Variants in OPA3 observed in about 807,000 individuals in gnomAD.
OPA3 encodes outer mitochondrial membrane lipid metabolism regulator OPA3.
OPA3 carries 6 observed loss-of-function variants against 4.0 expected under a neutral mutation model. The observed-to-expected ratio is 1.51, with a 90% CI of 0.83 to 2.99. The LOEUF (loss-of-function observed/expected upper bound fraction) is 2.99. Ranked by LOEUF, OPA3 falls within the 30% of genes most tolerant of loss-of-function variation. OPA3 has a pLI of 0.00. For synonymous variants in OPA3, 105 were observed against 117.1 expected (o/e 0.90, Z 0.67); for missense variants, 235 against 256.2 (o/e 0.92, Z 0.56).
exon 2 of OPA3, chr19:45,529,169 A>T: frequency 2.5e-6 from 4 of 1,609,714 alleles, no homozygotes; most frequent in Non-Finnish European, 3.4e-6. Context: ...AGCTGCGTCG[A>T]CGTCGCCTGC....
chr19:45,554,063 C>T (rs1599965353), intron 1 of OPA3, 152 bp from the exon 2 acceptor site: 1 of 671,226 alleles, frequency 1.5e-6, no homozygotes, highest in Non-Finnish European at 2.5e-6. Context: ...ATAAGAAACA[C>T]TGCCCCAGAA....
downstream of OPA3, among the ~76,000 whole-genome samples, chr19:45,542,310 C>T (rs571529645): frequency 2.6e-5 from 4 of 152,278 alleles, no homozygotes; most frequent in African/African-American, 7.2e-5. Flanking sequence ...CTAGTACAGC[C>T]GTGCACTGCT....
chr19:45,531,619 G>A (rs1432227643), intron 1 of OPA3, among the ~76,000 whole-genome samples: 2 of 152,226 alleles, frequency 1.3e-5, no homozygotes, highest in South Asian at 2.1e-4. Context: ...AAGGGTGCTT[G>A]GTATCTCAGT....
Position 45,576,539 on chromosome 19 carries a change from C to CG in OPA3, c.142+8083_142+8084insC, listed in dbSNP as rs1264599630. Among the ~76,000 whole-genome samples, 22 of 123,352 alleles carry CG rather than the reference C, an allele frequency of 1.8e-4. No individual in the cohort carries two copies. The East Asian group carries it at 3.1e-3, about 17-fold the overall frequency. The allele number at this position is 123,352 out of a possible 152,430, so 80.9% of individuals were successfully genotyped here. A position where few individuals can be genotyped will look rare whatever the true frequency, so the allele number is the denominator to read the frequency against. On this transcript the variant is annotated intron_variant, in intron 1 of 1. Coordinates refer to ENST00000263275, the MANE Select transcript of OPA3 (RefSeq NM_025136.4). ...GGCAACAAGAATGAAACTCCATCCC[C>CG]CCCCCCCCAAAAAAAAAAGTCCAAA...
At chr19:45,570,238 C>T (rs1217259240) in intron 1 of OPA3, among the ~76,000 whole-genome samples, 1 of 152,194 alleles carries the variant, frequency 6.6e-6, no homozygotes, top group Non-Finnish European at 1.5e-5. Context: ...GCCATGAGTA[C>T]ATGAGCAAAT....
At chr19:45,577,783 G>A (rs189781776) in intron 1 of OPA3, among the ~76,000 whole-genome samples, 109 of 146,296 alleles carry the variant, frequency 7.5e-4, no homozygotes, top group African/African-American at 2.5e-3. Context: ...TGGTGTTCCC[G>A]CCAAACATGT....
At chr19:45,528,226 G>C (rs1792720755) in exon 2 of OPA3, 1 of 152,364 alleles carries the variant, frequency 6.6e-6, no homozygotes, top group Non-Finnish European at 1.5e-5. Flanking sequence ...GACTAGCCCT[G>C]GTCAAGACCG....
Position 45,550,650 on chromosome 19 carries a change from G to T in OPA3, c.*2864C>A. The T allele has an allele frequency of 1.0e-6, 1 of 985,992 alleles. No individual in the cohort carries two copies. Among genetic ancestry groups the T allele is most frequent in the South Asian group, 4.7e-5 (1 of 21,294 alleles). The allele number at this position is 985,992 out of a possible 1,614,324, so 61.1% of individuals were successfully genotyped here. On this transcript the variant is annotated 3_prime_UTR_variant, in exon 2 of 2. Transcript: ENST00000263275. ...CTTACCCCTGGCCTTAGTTTCCCCA[G>T]CTCATAGGGTGACTCTTGGGCCTCT...
intron 1 of OPA3, among the ~76,000 whole-genome samples, chr19:45,569,587 C>G (rs1456263089): frequency 6.6e-6 from 1 of 152,154 alleles, no homozygotes; most frequent in Non-Finnish European, 1.5e-5. Context: ...CCGATACTCA[C>G]CACTGCAACC....
At chr19:45,540,174 G>A (rs748963800) in intron 1 of OPA3, among the ~76,000 whole-genome samples, 9 of 151,796 alleles carry the variant, frequency 5.9e-5, no homozygotes, top group Non-Finnish European at 8.8e-5. Context: ...AAAATTAGCC[G>A]GGTGTGGTGG....
rs2122420527 is a variant in OPA3 at position 45,549,283 on chromosome 19, C to T, written c.*4231G>A. 1 of 985,424 alleles carries T rather than the reference C, an allele frequency of 1.0e-6. No individual in the cohort carries two copies. Among genetic ancestry groups the T allele is most frequent in the South Asian group, 4.7e-5 (1 of 21,290 alleles). 61.0% of individuals were successfully genotyped at this position (985,424 alleles called of 1,614,324 possible). A position where few individuals can be genotyped will look rare whatever the true frequency, so the allele number is the denominator to read the frequency against. On this transcript the variant is annotated 3_prime_UTR_variant, in exon 2 of 2. Coordinates refer to ENST00000263275, the MANE Select transcript of OPA3 (RefSeq NM_025136.4). ...GCATTTTGAGAGGACGTTCTTTCCA[C>T]TTCCACACACTCTGGCCACCCCTGA... is the stretch of plus-strand genomic sequence containing the variant.
intron 1 of OPA3, among the ~76,000 whole-genome samples, chr19:45,535,753 TTTTC>T (rs1568395925): frequency 1.7e-5 from 2 of 115,516 alleles, no homozygotes; most frequent in Non-Finnish European, 1.8e-5. Context: ...ATAACTGTTT[TTTTC>T]TTTTCTTTTT....
downstream of OPA3, among the ~76,000 whole-genome samples, chr19:45,544,702 G>A (rs534944119): frequency 6.2e-4 from 95 of 152,250 alleles, no homozygotes; most frequent in Non-Finnish European, 9.7e-4. Context: ...GCTGAGGCAG[G>A]AGAATCACTT....
chr19:45,566,475 C>CTT (rs544406295), intron 1 of OPA3, among the ~76,000 whole-genome samples: 16 of 102,288 alleles, frequency 1.6e-4, no homozygotes, highest in African/African-American at 2.9e-4. Flanking sequence ...TGATTTTTCT[C>CTT]TTTTTTTTTT....
intron 1 of OPA3, among the ~76,000 whole-genome samples, chr19:45,567,417 T>A (rs1169117641): frequency 1.3e-5 from 2 of 150,374 alleles, no homozygotes; most frequent in African/African-American, 4.9e-5. Flanking sequence ...AAGTATCAAA[T>A]GAACAAAAGC....
At position 45,547,645 on chromosome 19, in the gene OPA3, C is replaced by G. The variant is rs1053580072; in HGVS notation, c.*5869G>C. 1 of 152,760 alleles carries G rather than the reference C, an allele frequency of 6.5e-6. No homozygotes were observed. The highest frequency in any genetic ancestry group is 6.6e-5 in the Admixed American group (1 of 15,264). The allele number at this position is 152,760 out of a possible 1,614,324, so 9.5% of individuals were successfully genotyped here. On this transcript the variant is annotated 3_prime_UTR_variant, in exon 2 of 2. Transcript: ENST00000263275. ...ATCAGCGGTGCCCGTAAGTCCGGAA[C>G]TCCTACCCTGCCTCCATTCCTCTCA...
At chr19:45,572,972 A>G (rs910250448) in intron 1 of OPA3, among the ~76,000 whole-genome samples, 1 of 151,490 alleles carries the variant, frequency 6.6e-6, no homozygotes. Context: ...CTTAGATACA[A>G]TTAGGTACCC....
At chr19:45,560,894 G>A (rs564587100) in intron 1 of OPA3, among the ~76,000 whole-genome samples, 2 of 152,280 alleles carry the variant, frequency 1.3e-5, no homozygotes, top group African/African-American at 4.8e-5. Context: ...GTAAAGTGAC[G>A]TACTTGGCCA....
Position 45,551,758 on chromosome 19 carries a change from G to A in OPA3, c.*1756C>T. On this transcript the variant is annotated 3_prime_UTR_variant, in exon 2 of 2. Coordinates refer to ENST00000263275, the MANE Select transcript of OPA3 (RefSeq NM_025136.4). ...GGGGGTGGGACCGGGGGCTATGGAG[G>A]CAGGAGGGTACTGCTACATGAAGAC... 2.0e-6 allele frequency: 2 copies of A among 985,604 alleles called. No homozygotes were observed. Among genetic ancestry groups the A allele is most frequent in the Non-Finnish European group, 2.4e-6 (2 of 830,040 alleles). 61.1% of individuals were successfully genotyped at this position (985,604 alleles called of 1,614,324 possible).
Sources: gnomAD v4.1 joint callset for allele counts (sites outside exome capture counted in the v4.1 genomes callset) on GRCh38, gnomAD v4.1.1 for gene constraint, MANE v1.5 for transcripts, NCBI Gene and HGNC (gene_info 2026-07-23, HGNC 2026-07-21) for gene names.